TUB: variants seen among roughly 807,000 people sequenced by gnomAD.
The protein encoded by TUB is tubby protein homolog.
In TUB, 33 loss-of-function variants were observed where a neutral mutation model predicts 59.7. That is an observed-to-expected ratio of 0.55 (90% CI 0.42 to 0.74). The LOEUF is 0.74. Ranked by LOEUF, TUB falls within the 30% of genes least tolerant of loss-of-function variation. TUB has a pLI of 0.00. For synonymous variants in TUB, 293 were observed against 256.4 expected, an observed-to-expected ratio of 1.14 and a Z score of -1.36; for missense variants, 659 against 672.0, an observed-to-expected ratio of 0.98 and a Z score of 0.21.
At chr11:8,032,251 CA>C (rs967011607) in intron 1 of TUB, among the ~76,000 whole-genome samples, 9 of 152,138 alleles carry the variant, frequency 5.9e-5, no homozygotes, top group African/African-American at 2.2e-4. Flanking sequence ...CTTGTGACAC[CA>C]CAAGTGCCGC....
At chr11:8,063,876 G>T (rs1415642702) in intron 2 of TUB, among the ~76,000 whole-genome samples, 2 of 152,152 alleles carry the variant, frequency 1.3e-5, no homozygotes, top group South Asian at 4.1e-4. Context: ...TTTATTTATA[G>T]CTGTTTTATT....
chr11:8,046,182 GC>G (rs1554922908), intron 2 of TUB, among the ~76,000 whole-genome samples: 1 of 152,118 alleles, frequency 6.6e-6, no homozygotes, highest in Non-Finnish European at 1.5e-5. Context: ...CAGGGCACTT[GC>G]AGGGTTCACT....
chr11:8,089,766 G>A, intron 2 of TUB, 105 bp downstream of exon 2: 1 of 1,440,216 alleles, frequency 6.9e-7, no homozygotes, highest in Non-Finnish European at 9.7e-7. Context: ...GTCTGATTGG[G>A]GGATGGGATT....
chr11:8,064,999 C>T lies in TUB; in HGVS notation c.204-24611C>T, dbSNP rs575250204. On this transcript the variant is annotated intron_variant, in intron 2 of 12. Coordinates refer to the TUB transcript ENST00000305253. The stretch of plus-strand genomic sequence containing the variant: ...AGGTCTTGGAGTCCCAGGGGCCTCT[C>T]CATGTTGAAGCAGGATGCTAGGGGA... Among the ~76,000 whole-genome samples the T allele has an allele frequency of 7.2e-4, 110 of 152,320 alleles. No homozygotes were observed. In the Middle Eastern group the frequency reaches 0.01, roughly 14 times the overall value.
intron 1 of TUB, among the ~76,000 whole-genome samples, chr11:8,021,588 G>A (rs957791698): frequency 3.9e-5 from 6 of 152,020 alleles, no homozygotes; most frequent in South Asian, 2.1e-4. Context: ...TATTGTAAAC[G>A]TTTCTGGAAC....
chr11:8,048,423 A>G lies in TUB; in HGVS notation c.203+8731A>G, dbSNP rs376060470. On this transcript the variant is annotated intron_variant, in intron 2 of 12. Transcript: ENST00000305253. Reference sequence around the variant, plus strand: ...TTCTTTTTTAGATTTTTTTAATGAGATGAGGTCTTGTTCTGTCACTCAGGC... The same window carrying G: ...TTCTTTTTTAGATTTTTTTAATGAGGTGAGGTCTTGTTCTGTCACTCAGGC... Among the ~76,000 whole-genome samples, 9 of 152,196 alleles carry G rather than the reference A, an allele frequency of 5.9e-5. No homozygotes were observed. In the East Asian group the frequency reaches 9.7e-4, roughly 16 times the overall value.
chr11:8,073,896 A>G (rs1415126200), intron 2 of TUB, among the ~76,000 whole-genome samples: 1 of 6,172 alleles, frequency 1.6e-4, no homozygotes, highest in African/African-American at 1.8e-4. Flanking sequence ...ATAGGTAAAG[A>G]GCAGGTAAAG....
chr11:8,081,619 CG>C, intron 1 of TUB, 71 bp downstream of exon 1: 1 of 1,426,944 alleles, frequency 7.0e-7, no homozygotes. Context: ...GATACGCGGC[CG>C]GGGCGCAGGG....
intron 3 of TUB, among the ~76,000 whole-genome samples, 178 bp downstream of exon 3, chr11:8,090,409 C>T (rs1943749870): frequency 1.3e-5 from 2 of 152,226 alleles, no homozygotes; most frequent in Non-Finnish European, 2.9e-5. Context: ...TAGCCTTGGG[C>T]GCCTGTGTAT....
At chr11:8,024,764 A>G (rs965419254) in intron 1 of TUB, among the ~76,000 whole-genome samples, 3 of 152,222 alleles carry the variant, frequency 2.0e-5, no homozygotes, top group Non-Finnish European at 4.4e-5. Flanking sequence ...ATTGTCCTCC[A>G]GGAGGGGTGA....
rs949871919 is a variant in TUB at position 8,098,661 on chromosome 11, G to A, written c.999-97G>A. On this transcript the variant is annotated intron_variant, in intron 8 of 11. Coordinates refer to ENST00000299506, the MANE Select transcript of TUB (RefSeq NM_177972.3). ...CTGGGCCTGCTCCTGTTCCAGCCCA[G>A]AATGTTTTGCAGGCTCCTCATAGGA... 16 of 879,056 alleles carry A rather than the reference G, an allele frequency of 1.8e-5. No individual in the cohort carries two copies. The African/African-American group carries it at 2.2e-4, about 12-fold the overall frequency. 54.5% of individuals were successfully genotyped at this position (879,056 alleles called of 1,614,324 possible).
At chr11:8,095,280 T>C (rs1310730163) in intron 4 of TUB, among the ~76,000 whole-genome samples, 1 of 152,198 alleles carries the variant, frequency 6.6e-6, no homozygotes, top group African/African-American at 2.4e-5. Context: ...CGGCAATTAA[T>C]TTGGGGGAAG....
At chr11:8,033,031 C>A (rs1942597753) in intron 1 of TUB, among the ~76,000 whole-genome samples, 1 of 152,062 alleles carries the variant, frequency 6.6e-6, no homozygotes, top group South Asian at 2.1e-4. Context: ...TGCTGAGGTC[C>A]CGATAGAGTG....
At chr11:8,096,443 G>A (rs1589978169) in intron 5 of TUB, among the ~76,000 whole-genome samples, 1 of 152,210 alleles carries the variant, frequency 6.6e-6, no homozygotes, top group East Asian at 1.9e-4. Context: ...GATATATCCT[G>A]AGGATTGTGG....
Position 8,106,109 on chromosome 11 carries a change from C to T in TUB, c.*4490C>T, listed in dbSNP as rs1229051535. On this transcript the variant is annotated 3_prime_UTR_variant, in exon 12 of 12. Transcript: ENST00000299506. Reference sequence around the variant, plus strand: ...TTGAATAAACTTTGGTATTCTGGAGCAAATGTATTTATTTATTGGTATGTG... The same window carrying T: ...TTGAATAAACTTTGGTATTCTGGAGTAAATGTATTTATTTATTGGTATGTG... 6.6e-6 allele frequency: 1 copy of T among 151,684 alleles called. No individual in the cohort carries two copies. The highest frequency in any genetic ancestry group is 1.5e-5 in the Non-Finnish European group (1 of 67,698). The allele number at this position is 151,684 out of a possible 1,614,324, so 9.4% of individuals were successfully genotyped here.
intron 2 of TUB, among the ~76,000 whole-genome samples, chr11:8,045,556 C>G (rs1942818393): frequency 6.6e-6 from 1 of 152,172 alleles, no homozygotes; most frequent in African/African-American, 2.4e-5. Context: ...CTGAAACGCT[C>G]CAAAATCTGA....
At chr11:8,082,569 A>G (rs2133816955) in intron 1 of TUB, among the ~76,000 whole-genome samples, 1 of 152,282 alleles carries the variant, frequency 6.6e-6, no homozygotes, top group East Asian at 1.9e-4. Context: ...CCACTGTGTT[A>G]TTGTCGACCC....
intron 4 of TUB, among the ~76,000 whole-genome samples, chr11:8,094,667 C>T (rs1943905324): frequency 6.6e-6 from 1 of 152,230 alleles, no homozygotes; most frequent in South Asian, 2.1e-4. Context: ...GGACCACAGA[C>T]CAGCCTGTTC....
In TUB at chr11:8,098,894, G is replaced by T. The variant is rs542296292; in HGVS notation, c.1116+19G>T. On this transcript the variant is annotated intron_variant, in intron 9 of 11. Transcript: ENST00000299506. ...GTGCTACGTGAGTCCTAGGTTCGGG[G>T]GTCTCTGATTTCCAAGGTAGATATG... 4.5e-6 allele frequency: 7 copies of T among 1,566,142 alleles called. No homozygotes were observed. Among genetic ancestry groups the T allele is most frequent in the Non-Finnish European group, 6.2e-6 (7 of 1,136,832 alleles).
Sources: gnomAD v4.1 joint callset for allele counts (sites outside exome capture counted in the v4.1 genomes callset) on GRCh38, gnomAD v4.1.1 for gene constraint, MANE v1.5 for transcripts, NCBI Gene and HGNC (gene_info 2026-07-23, HGNC 2026-07-21) for gene names.